Variants in ESRP2 observed in about 807,000 individuals in gnomAD.
ESRP2 encodes epithelial splicing regulatory protein 2, also known as RNA binding motif protein 35A.
ESRP2 carries 48 observed loss-of-function variants against 78.6 expected under a neutral mutation model. The ratio of observed to expected loss-of-function variants is 0.61; its 90% confidence interval spans 0.48 to 0.78. ESRP2 has a LOEUF of 0.78. Among genes scored for constraint, ESRP2 ranks in the 30% least tolerant of loss-of-function variants. The pLI is 0.00. For missense variants in ESRP2, 863 were observed against 965.9 expected (o/e 0.89, Z 1.41); for synonymous variants, 383 against 406.7 (o/e 0.94, Z 0.70).
At chr16:68,233,144 A>C (rs909330374) in intron 5 of ESRP2, 183 bp downstream of exon 5, 2 of 607,080 alleles carry the variant, frequency 3.3e-6, no homozygotes, top group Admixed American at 5.9e-5. Context: ...GGTTGCAGTG[A>C]GCTGAGATTG....
Position 68,236,111 on chromosome 16 carries a change from G to T in ESRP2, c.-66C>A. On this transcript the variant is annotated 5_prime_UTR_variant, in exon 1 of 15. Coordinates refer to ENST00000473183, the MANE Select transcript of ESRP2 (RefSeq NM_024939.3). The surrounding 1 kb of genome is among the most constrained non-coding windows in gnomAD (Gnocchi z 5.2). The stretch of plus-strand genomic sequence containing the variant: ...GACGAGGCGCACGCACGCACCGACC[G>T]ACCGCAGACGCGGATCAGCTTGGGC... 1 of 1,349,218 alleles carries T rather than the reference G, an allele frequency of 7.4e-7. No individual in the cohort carries two copies. The highest frequency in any genetic ancestry group is 1.8e-5 in the South Asian group (1 of 54,518). The allele number at this position is 1,349,218 out of a possible 1,614,324, so 83.6% of individuals were successfully genotyped here.
chr16:68,234,062 G>A lies in ESRP2; in HGVS notation c.373C>T (p.Pro125Ser), dbSNP rs1304616140. Residue 125 changes from proline to serine, a missense_variant, in exon 3 of 15, where the codon CCC becomes TCC. Pro to Ser is a moderately conservative substitution (Grantham distance 74). Coordinates refer to ENST00000473183, the MANE Select transcript of ESRP2 (RefSeq NM_024939.3). ...TGCCCATCAGTGCAGAGCATGTAGG[G>A]GCCCCCGCCCAGCAAAGCCACATCC... ...NGDVALLGGGPYMLCTDGQQL... is the reference protein window; with the variant it reads ...NGDVALLGGGSYMLCTDGQQL... 1.2e-6 allele frequency: 2 copies of A among 1,613,816 alleles called. No homozygotes were observed. Among genetic ancestry groups the A allele is most frequent in the Non-Finnish European group, 1.7e-6 (2 of 1,179,890 alleles).
chr16:68,233,165 C>G (rs2042169843), intron 5 of ESRP2, 162 bp downstream of exon 5: 2 of 617,306 alleles, frequency 3.2e-6, no homozygotes, highest in East Asian at 5.5e-5. Context: ...TGCCACTGCA[C>G]TCTAGCCTAG....
chr16:68,230,062 GAAT>G lies in ESRP2; in HGVS notation c.*161_*163del. ...CCATTGTCTTTGGGGGAAACAGGCA[GAAT>G]AAGTGGAGGATGGAGCTGGGGCTTG... On this transcript the variant is annotated 3_prime_UTR_variant, in exon 15 of 15. Transcript: ENST00000473183. 1 of 656,802 alleles carries G rather than the reference GAAT, an allele frequency of 1.5e-6. No homozygotes were observed. The highest frequency in any genetic ancestry group is 1.8e-5 in the South Asian group (1 of 55,392). The allele number at this position is 656,802 out of a possible 1,614,324, so 40.7% of individuals were successfully genotyped here.
In ESRP2 at chr16:68,229,842, T is replaced by C. The variant is rs1451162991; in HGVS notation, c.*384A>G. The C allele has an allele frequency of 4.3e-6, 1 of 234,858 alleles. No individual in the cohort carries two copies. Among genetic ancestry groups the C allele is most frequent in the Non-Finnish European group, 8.6e-6 (1 of 116,474 alleles). 14.5% of individuals were successfully genotyped at this position (234,858 alleles called of 1,614,324 possible). ...CCTTGATTCTCCCAGGAGTCATACA[T>C]TGAAGGTACCAGAGCTTCCATTTTA... On this transcript the variant is annotated 3_prime_UTR_variant, in exon 15 of 15. Transcript: ENST00000473183.
chr16:68,232,221 C>CA lies in ESRP2; in HGVS notation c.997+24dup. ...GAAATGGATCAAGAACCAGGGGAGC[C>CA]AGGCCCTGTTTGCAGTATACTCACC... On this transcript the variant is annotated intron_variant, in intron 9 of 14. Coordinates refer to ENST00000473183, the MANE Select transcript of ESRP2 (RefSeq NM_024939.3). The surrounding 1 kb of genome is among the most constrained non-coding windows in gnomAD (Gnocchi z 5.2). 6.2e-7 allele frequency: 1 copy of CA among 1,614,084 alleles called. No homozygotes were observed. The highest frequency in any genetic ancestry group is 2.2e-5 in the East Asian group (1 of 44,880).
chr16:68,233,846 C>A lies in ESRP2; in HGVS notation c.478G>T (p.Asp160Tyr). The change falls in exon 4 of 15, where the codon GAC (aspartate) becomes TAC (tyrosine). Residue 160 changes from aspartate (D) to tyrosine (Y), a missense_variant. Coordinates refer to ENST00000473183, the MANE Select transcript of ESRP2 (RefSeq NM_024939.3). ...VLPDMFFSFY[D>Y]LRREFHMQHP... Reference sequence around the variant, plus strand: ...TGCATATGGAATTCTCTTCGGAGGTCATAGAAGGAGAAGAACATGTCGGGG... The same window carrying A: ...TGCATATGGAATTCTCTTCGGAGGTAATAGAAGGAGAAGAACATGTCGGGG... 6.2e-7 allele frequency: 1 copy of A among 1,614,104 alleles called. No individual in the cohort carries two copies. The highest frequency in any genetic ancestry group is 1.1e-5 in the South Asian group (1 of 91,076).
intron 2 of ESRP2, chr16:68,234,452 C>T (rs2042193914): frequency 4.7e-6 from 1 of 212,262 alleles, no homozygotes; most frequent in South Asian, 1.1e-4. Context: ...CAGGTTAAAC[C>T]TGTCTTTGAC....
At position 68,232,232 on chromosome 16, in the gene ESRP2, T is replaced by G. The variant is rs2042151578; in HGVS notation, c.997+14A>C. 6.2e-7 allele frequency: 1 copy of G among 1,613,996 alleles called. No homozygotes were observed. Among genetic ancestry groups the G allele is most frequent in the Admixed American group, 1.7e-5 (1 of 59,998 alleles). Reference sequence around the variant, plus strand: ...AGAACCAGGGGAGCCAGGCCCTGTTTGCAGTATACTCACCCCCTGCAATCT... The same window carrying G: ...AGAACCAGGGGAGCCAGGCCCTGTTGGCAGTATACTCACCCCCTGCAATCT... On this transcript the variant is annotated intron_variant, in intron 9 of 14. Transcript: ENST00000473183. This position sits in a 1 kb window ranked among gnomAD's most constrained non-coding sequence, Gnocchi z 5.2.
chr16:68,231,023 G>C lies in ESRP2; in HGVS notation c.1716C>G (p.Leu572=). The C allele has an allele frequency of 6.3e-7, 1 of 1,589,626 alleles. No individual in the cohort carries two copies. The highest frequency in any genetic ancestry group is 2.2e-5 in the East Asian group (1 of 44,704). ...GGAAGGTGGTGTAGGTAGGTGGTGA[G>C]AGGCCTAGAGACGGAAGTAGAAAGT... is the stretch of plus-strand genomic sequence containing the variant. ...MSPPPCKLPC[L]SPPTYTTFQA... is the part of the protein sequence containing the mutation. Residue 572 remains leucine, a synonymous_variant, in exon 13 of 15, where the codon CTC becomes CTG. Coordinates refer to ENST00000473183, the MANE Select transcript of ESRP2 (RefSeq NM_024939.3). This position sits in a 1 kb window ranked among gnomAD's most constrained non-coding sequence, Gnocchi z 6.0.
chr16:68,235,965 G>A lies in ESRP2; in HGVS notation c.81C>T (p.Pro27=). The part of the protein sequence containing the change: ...ADPAADPCPW[P]GSLVVLFGAT... ...CCCCGAAGAGGACGACCAGTGATCCGGGCCAGGGGCAGGGGTCCGCGGCGG... is the reference window on the plus strand; with the variant it reads ...CCCCGAAGAGGACGACCAGTGATCCAGGCCAGGGGCAGGGGTCCGCGGCGG... The change falls in exon 1 of 15, where the codon CCC becomes CCT. Residue 27 remains proline (P), a synonymous_variant. Transcript: ENST00000473183. The surrounding 1 kb of genome is among the most constrained non-coding windows in gnomAD (Gnocchi z 5.5). The A allele has an allele frequency of 6.2e-7, 1 of 1,608,098 alleles. No homozygotes were observed. Among genetic ancestry groups the A allele is most frequent in the South Asian group, 1.1e-5 (1 of 90,514 alleles).
chr16:68,233,815 G>A lies in ESRP2; in HGVS notation c.509C>T (p.Pro170Leu), dbSNP rs1485125589. The A allele has an allele frequency of 3.1e-6, 5 of 1,613,976 alleles. No individual in the cohort carries two copies. In the African/African-American group the frequency reaches 6.7e-5, roughly 22 times the overall value. The change falls in exon 4 of 15, where the codon CCA becomes CTA. Residue 170 changes from proline (P) to leucine (L), a missense_variant. Transcript: ENST00000473183. The stretch of plus-strand genomic sequence containing the variant: ...GAGGTCCCTGGCAGGGCAGGTGCTT[G>A]GATGCTGCATATGGAATTCTCTTCG... ...DLRREFHMQH[P>L]STCPARDLTV... is the part of the protein sequence containing the mutation.
Position 68,234,233 on chromosome 16 carries a change from G to A in ESRP2, c.328-126C>T, listed in dbSNP as rs2042190420. 30 of 693,138 alleles carry A rather than the reference G, an allele frequency of 4.3e-5. 1 individual carries two copies. The South Asian group carries it at 5.1e-4, about 12-fold the overall frequency. 42.9% of individuals were successfully genotyped at this position (693,138 alleles called of 1,614,324 possible). ...CCAGATGTTCAGCCCTATCCTGCCT[G>A]GGAATAAGAGGCCACGCCTGTTGAG... On this transcript the variant is annotated intron_variant, in intron 2 of 14. Coordinates refer to ENST00000473183, the MANE Select transcript of ESRP2 (RefSeq NM_024939.3).
At chr16:68,234,139 A>G in intron 2 of ESRP2, 32 bp from the exon 3 acceptor site, 1 of 1,510,028 alleles carries the variant, frequency 6.6e-7, no homozygotes, top group Non-Finnish European at 9.1e-7. Context: ...AGAGAAACAC[A>G]CAGATTCACA....
Position 68,230,853 on chromosome 16 carries a change from G to A in ESRP2, c.1886C>T (p.Ala629Val). The A allele has an allele frequency of 3.7e-6, 6 of 1,614,080 alleles. No homozygotes were observed. Among genetic ancestry groups the A allele is most frequent in the Non-Finnish European group, 5.1e-6 (6 of 1,179,980 alleles). ...AGCTGCAGGGTACCTTGGGTAGTAGGCTGTGTAGTTCAGGTAGAGTTGAGT... is the reference window on the plus strand; with the variant it reads ...AGCTGCAGGGTACCTTGGGTAGTAGACTGTGTAGTTCAGGTAGAGTTGAGT... ...PATQLYLNYT[A>V]YYPSPPVSPT... Residue 629 changes from alanine (A) to valine (V), a missense_variant, in exon 13 of 15, where the codon GCC becomes GTC. By Grantham distance (64) the Ala-to-Val change is moderately conservative (BLOSUM62 0). Transcript: ENST00000473183.
In ESRP2 at chr16:68,232,224, G is replaced by A. The variant is rs1287856764; in HGVS notation, c.997+22C>T. The A allele has an allele frequency of 1.9e-6, 3 of 1,614,074 alleles. No individual in the cohort carries two copies. In the South Asian group the frequency reaches 3.3e-5, roughly 18 times the overall value. On this transcript the variant is annotated intron_variant, in intron 9 of 14. Coordinates refer to ENST00000473183, the MANE Select transcript of ESRP2 (RefSeq NM_024939.3). The surrounding 1 kb of genome is among the most constrained non-coding windows in gnomAD (Gnocchi z 5.2). ...ATGGATCAAGAACCAGGGGAGCCAG[G>A]CCCTGTTTGCAGTATACTCACCCCC... is the stretch of plus-strand genomic sequence containing the variant.
At position 68,230,513 on chromosome 16, in the gene ESRP2, G is replaced by A; in HGVS notation, c.1940C>T (p.Pro647Leu). The A allele has an allele frequency of 1.2e-6, 2 of 1,600,130 alleles. No homozygotes were observed. Among genetic ancestry groups the A allele is most frequent in the Non-Finnish European group, 1.7e-6 (2 of 1,172,360 alleles). Residue 647 changes from proline (P) to leucine (L), a missense_variant, in exon 14 of 15, where the codon CCC becomes CTC. By Grantham distance (98) the Pro-to-Leu change is moderately conservative (BLOSUM62 -3). Coordinates refer to ENST00000473183, the MANE Select transcript of ESRP2 (RefSeq NM_024939.3). ...GGGAGCAGAGGCCAGGGCAGCAGTG[G>A]GTGTAGTGAGGTAGCCCACAGTGGT... ...SPTTVGYLTT[P>L]TAALASAPTS... is the part of the protein sequence containing the mutation.
rs1374842143 is a variant in ESRP2, at chr16:68,232,802, C to T, written c.669G>A (p.Ser223=). 1.5e-5 allele frequency: 24 copies of T among 1,613,994 alleles called. No individual in the cohort carries two copies. Among genetic ancestry groups the T allele is most frequent in the East Asian group, 4.5e-5 (2 of 44,902 alleles). ...ATTTCTGCTTTATCACCTCGGGCTT[C>T]GAAAACAATTGACCTGAGAAAAGAT... is the stretch of plus-strand genomic sequence containing the variant. ...LLKEPSSQLF[S]KPEVIKQKYE... Residue 223 remains serine (S), a synonymous_variant, in exon 6 of 15, where the codon TCG becomes TCA. Transcript: ENST00000473183. This position sits in a 1 kb window ranked among gnomAD's most constrained non-coding sequence, Gnocchi z 5.2.
rs1468663054 is a variant in ESRP2 at position 68,235,851 on chromosome 16, G to A, written c.195C>T (p.Arg65=). Residue 65 remains arginine, a synonymous_variant, in exon 1 of 15, where the codon CGC becomes CGT. Transcript: ENST00000473183. The surrounding 1 kb of genome is among the most constrained non-coding windows in gnomAD (Gnocchi z 5.5). ...CACCGCCTCTTTTCCACCCTACCTG[G>A]CGGCTCCGCGGCTCAACCACTTGCC... The part of the protein sequence containing the change: ...LVWQVVEPRS[R]QVGTLHKSLV... The A allele has an allele frequency of 1.9e-6, 3 of 1,611,790 alleles. No homozygotes were observed. The highest frequency in any genetic ancestry group is 1.3e-5 in the African/African-American group (1 of 74,884).
Sources: allele counts gnomAD v4.1 joint callset, GRCh38; gene constraint gnomAD v4.1.1; non-coding constraint Gnocchi (gnomAD v3.1); transcripts MANE v1.5; gene names NCBI Gene and HGNC (gene_info 2026-07-23, HGNC 2026-07-21).